GLDN: variants seen among roughly 807,000 people sequenced by gnomAD.
GLDN encodes the protein collomin.
A neutral mutation model predicts 56.5 loss-of-function variants in GLDN; 47 were observed. That is an observed-to-expected ratio of 0.83 (90% CI 0.66 to 1.06). GLDN has a LOEUF of 1.06. Among genes scored for constraint, GLDN ranks in the 50% least tolerant of loss-of-function variants. The pLI is 0.00. For synonymous variants in GLDN, 332 were observed against 278.8 expected, an observed-to-expected ratio of 1.19 and a Z score of -1.90; for missense variants, 782 against 714.3, an observed-to-expected ratio of 1.09 and a Z score of -1.08.
intron 1 of GLDN, among the ~76,000 whole-genome samples, chr15:51,359,160 C>A (rs2037243052): frequency 6.6e-6 from 1 of 152,142 alleles, no homozygotes; most frequent in Non-Finnish European, 1.5e-5. Context: ...CCCTCCAAGC[C>A]GTGGGAGGAG....
chr15:51,389,878 G>A (rs1019582305), intron 4 of GLDN, among the ~76,000 whole-genome samples: 2 of 152,150 alleles, frequency 1.3e-5, no homozygotes, highest in African/African-American at 4.8e-5. Context: ...TAAGGTCAGG[G>A]GGTTCAGCTC....
chr15:51,385,658 C>G (rs920911292), intron 4 of GLDN: 1 of 152,060 alleles, frequency 6.6e-6, no homozygotes, highest in Non-Finnish European at 1.5e-5. Context: ...GATTGGGAGG[C>G]CAAGTAAGAC....
chr15:51,383,526 C>A, intron 3 of GLDN, 73 bp downstream of exon 3: 1 of 1,553,940 alleles, frequency 6.4e-7, no homozygotes, highest in Non-Finnish European at 8.9e-7. Flanking sequence ...CCTGTTGGGA[C>A]AGATGCGGGG....
chr15:51,364,558 A>G (rs2037364592), intron 1 of GLDN, among the ~76,000 whole-genome samples: 1 of 152,122 alleles, frequency 6.6e-6, no homozygotes, highest in Non-Finnish European at 1.5e-5. Context: ...TTTACTTTTC[A>G]TATCAGACAT....
intron 3 of GLDN, 113 bp downstream of exon 3, chr15:51,383,566 G>C: frequency 7.8e-7 from 1 of 1,276,230 alleles, no homozygotes; most frequent in Non-Finnish European, 1.1e-6. Flanking sequence ...AGTCCTGGCT[G>C]TGTGTCTCCT....
rs2038419683 is a variant in GLDN, at chr15:51,407,911, G to C, written c.*3157G>C. On this transcript the variant is annotated 3_prime_UTR_variant, in exon 10 of 10. Transcript: ENST00000335449. The stretch of plus-strand genomic sequence containing the variant: ...CATTAAGAGCCATAATTTCCAACCT[G>C]CACAGATCCTGAACAACAAATGAAT... The C allele has an allele frequency of 6.6e-6, 1 of 152,132 alleles. No homozygotes were observed. The highest frequency in any genetic ancestry group is 1.5e-5 in the Non-Finnish European group (1 of 68,028). The allele number at this position is 152,132 out of a possible 1,614,324, so 9.4% of individuals were successfully genotyped here.
chr15:51,397,307 C>A (rs1448764800), intron 5 of GLDN, among the ~76,000 whole-genome samples, 163 bp from the exon 6 acceptor site: 1 of 151,536 alleles, frequency 6.6e-6, no homozygotes, highest in Admixed American at 6.6e-5. Flanking sequence ...TCTCTCCCTT[C>A]TTCTCTTCCT....
intron 1 of GLDN, among the ~76,000 whole-genome samples, chr15:51,354,336 G>A (rs750043015): frequency 1.3e-5 from 2 of 152,092 alleles, no homozygotes; most frequent in African/African-American, 2.4e-5. Flanking sequence ...GGTGAGTGTT[G>A]GAGTCTGGTA....
At chr15:51,373,236 C>A (rs1336882895) in intron 1 of GLDN, among the ~76,000 whole-genome samples, 1 of 152,194 alleles carries the variant, frequency 6.6e-6, no homozygotes, top group African/African-American at 2.4e-5. Context: ...TCCTCAGTAT[C>A]TGTGGGGGAT....
chr15:51,399,483 C>T (rs538171675), intron 6 of GLDN, among the ~76,000 whole-genome samples: 17 of 152,290 alleles, frequency 1.1e-4, no homozygotes, highest in African/African-American at 4.1e-4. Context: ...GGTCTAAATT[C>T]AGCCCATTCA....
intron 2 of GLDN, among the ~76,000 whole-genome samples, chr15:51,379,758 G>T (rs923816364): frequency 1.3e-5 from 2 of 152,312 alleles, no homozygotes; most frequent in African/African-American, 4.8e-5. Context: ...TTAGGAGTGT[G>T]GGATGGGTAC....
At chr15:51,411,350 C>T (rs1566956687), downstream of GLDN, among the ~76,000 whole-genome samples, 1 of 152,210 alleles carries the variant, frequency 6.6e-6, no homozygotes, top group Non-Finnish European at 1.5e-5. Context: ...CAAAAGAAGA[C>T]CTGCTATGCC....
At chr15:51,360,747 G>C (rs2037281694) in intron 1 of GLDN, among the ~76,000 whole-genome samples, 2 of 152,194 alleles carry the variant, frequency 1.3e-5, no homozygotes, top group Admixed American at 6.5e-5. Context: ...TATCATGCCT[G>C]AGAGCCCTAC....
intron 6 of GLDN, among the ~76,000 whole-genome samples, chr15:51,397,811 C>T (rs1035323797): frequency 6.6e-6 from 1 of 152,208 alleles, no homozygotes; most frequent in African/African-American, 2.4e-5. Context: ...AGGCCTCCCA[C>T]TCCCCTTCCC....
At chr15:51,352,611 C>G (rs958432538) in intron 1 of GLDN, among the ~76,000 whole-genome samples, 1 of 152,194 alleles carries the variant, frequency 6.6e-6, no homozygotes, top group African/African-American at 2.4e-5. Context: ...TCATACCAAC[C>G]TAAATCATCT....
chr15:51,393,670 T>C (rs866332145), intron 4 of GLDN, among the ~76,000 whole-genome samples: 1 of 152,342 alleles, frequency 6.6e-6, no homozygotes, highest in African/African-American at 2.4e-5. Context: ...CTCTGATTTT[T>C]GGCCCCTCAA....
At chr15:51,390,212 T>C (rs948024268) in intron 4 of GLDN, among the ~76,000 whole-genome samples, 1 of 152,254 alleles carries the variant, frequency 6.6e-6, no homozygotes, top group Admixed American at 6.5e-5. Flanking sequence ...AGTTAATGTA[T>C]ATAAAGTGCT....
intron 4 of GLDN, 34 bp from the exon 5 acceptor site, chr15:51,394,801 C>T (rs1359482771): frequency 6.2e-7 from 1 of 1,612,600 alleles, no homozygotes; most frequent in Non-Finnish European, 8.5e-7. Flanking sequence ...CTTTTTGCAC[C>T]ATAGGCTAAT....
At chr15:51,372,691 C>G (rs979759347) in intron 1 of GLDN, among the ~76,000 whole-genome samples, 1 of 152,184 alleles carries the variant, frequency 6.6e-6, no homozygotes. Flanking sequence ...CTCAGAGAAA[C>G]TCTTCCTTAG....
Sources: gnomAD v4.1 joint callset for allele counts (sites outside exome capture counted in the v4.1 genomes callset) on GRCh38, gnomAD v4.1.1 for gene constraint, MANE v1.5 for transcripts, NCBI Gene and HGNC (gene_info 2026-07-23, HGNC 2026-07-21) for gene names.